Variants in CHSY3 observed in about 807,000 individuals in gnomAD.
CHSY3 encodes chondroitin sulfate synthase 3.
Under a neutral mutation model 67.2 loss-of-function variants are expected in CHSY3, and 35 were observed. That is an observed-to-expected ratio of 0.52 (90% CI 0.40 to 0.69). The LOEUF is 0.69. Ranked by LOEUF, CHSY3 falls within the 30% of genes least tolerant of loss-of-function variation. The pLI is 0.00. For missense variants in CHSY3, 1,069 were observed against 1,138.5 expected (o/e 0.94, Z 0.88); for synonymous variants, 474 against 434.7 (o/e 1.09, Z -1.12).
At chr5:129,919,942 A>AT (rs1234200531) in intron 2 of CHSY3, among the ~76,000 whole-genome samples, 2 of 151,966 alleles carry the variant, frequency 1.3e-5, no homozygotes, top group African/African-American at 4.8e-5. Context: ...ATATTTGACA[A>AT]TTTTTTCTGA....
chr5:130,133,782 A>G (rs1368510712), intron 2 of CHSY3, among the ~76,000 whole-genome samples: 2 of 127,666 alleles, frequency 1.6e-5, no homozygotes, highest in African/African-American at 5.4e-5. Context: ...AAAAAAAAAA[A>G]AAAAAAAAAA....
At chr5:130,001,350 T>G in intron 2 of CHSY3, 1 of 776,846 alleles carries the variant, frequency 1.3e-6, no homozygotes, top group Non-Finnish European at 1.6e-6. Context: ...GTGGAATTCT[T>G]TCATTTTAAA....
At chr5:130,076,266 T>G (rs1766246791) in intron 2 of CHSY3, among the ~76,000 whole-genome samples, 1 of 151,974 alleles carries the variant, frequency 6.6e-6, no homozygotes, top group Non-Finnish European at 1.5e-5. Context: ...TACCTTCACT[T>G]CAGGACACCC....
chr5:129,988,103 C>T (rs1448261104), intron 2 of CHSY3, among the ~76,000 whole-genome samples: 2 of 152,142 alleles, frequency 1.3e-5, no homozygotes, highest in Non-Finnish European at 2.9e-5. Flanking sequence ...ACATTTGCTT[C>T]AAAATGGCAT....
intron 2 of CHSY3, among the ~76,000 whole-genome samples, chr5:129,983,261 G>A (rs1028946509): frequency 2.0e-5 from 3 of 151,970 alleles, no homozygotes; most frequent in African/African-American, 7.2e-5. Flanking sequence ...TACACTTTCA[G>A]TGTCTTGTTC....
At position 130,088,400 on chromosome 5, in the gene CHSY3, C is replaced by T. The variant is rs151305106; in HGVS notation, c.1087-95829C>T. 9.2e-3 allele frequency among the ~76,000 whole-genome samples: 1,384 copies of T among 150,152 alleles called. 29 individuals are homozygous for T. Among genetic ancestry groups the T allele is most frequent in the African/African-American group, 0.033 (1,327 of 39,866 alleles). On this transcript the variant is annotated intron_variant, in intron 2 of 2. Coordinates refer to ENST00000305031, the MANE Select transcript of CHSY3 (RefSeq NM_175856.5). ...AAGATCTAATTAAACTAAAGAGCTT[C>T]TGCACAGCAAAAGAAATTACCATCA...
At chr5:129,970,720 A>T (rs1762618675) in intron 2 of CHSY3, among the ~76,000 whole-genome samples, 1 of 151,728 alleles carries the variant, frequency 6.6e-6, no homozygotes, top group Non-Finnish European at 1.5e-5. Context: ...TTTTTCTCAT[A>T]CTTATAAAGA....
At chr5:129,968,670 C>A (rs1370958835) in intron 2 of CHSY3, among the ~76,000 whole-genome samples, 1 of 151,764 alleles carries the variant, frequency 6.6e-6, no homozygotes, top group Non-Finnish European at 1.5e-5. Context: ...GGGTCAGAAG[C>A]AAATGGGAAC....
intron 2 of CHSY3, among the ~76,000 whole-genome samples, chr5:130,066,178 TC>T (rs1765878423): frequency 6.6e-6 from 1 of 152,118 alleles, no homozygotes; most frequent in Non-Finnish European, 1.5e-5. Flanking sequence ...TGTTCATGTA[TC>T]TCTTTCATTT....
At chr5:130,078,330 A>T (rs1443180332) in intron 2 of CHSY3, among the ~76,000 whole-genome samples, 1 of 152,070 alleles carries the variant, frequency 6.6e-6, no homozygotes, top group African/African-American at 2.4e-5. Context: ...AGATGCTTTT[A>T]TTCCATGGGT....
chr5:130,070,514 A>G (rs1311239383), intron 2 of CHSY3, among the ~76,000 whole-genome samples: 2 of 152,126 alleles, frequency 1.3e-5, no homozygotes, highest in Non-Finnish European at 2.9e-5. Context: ...TCAGAAAATC[A>G]TGAAATGAAA....
chr5:130,113,793 A>G (rs1767673181), intron 2 of CHSY3, among the ~76,000 whole-genome samples: 1 of 152,180 alleles, frequency 6.6e-6, no homozygotes, highest in Admixed American at 6.6e-5. Flanking sequence ...ACAGATACAT[A>G]AAAACCAACT....
At chr5:129,952,092 G>A (rs1762041059) in intron 2 of CHSY3, among the ~76,000 whole-genome samples, 1 of 152,138 alleles carries the variant, frequency 6.6e-6, no homozygotes, top group African/African-American at 2.4e-5. Flanking sequence ...AGGAGGTAAA[G>A]GAAAAAGAGC....
intron 2 of CHSY3, among the ~76,000 whole-genome samples, chr5:129,977,594 T>C (rs953831553): frequency 2.0e-4 from 30 of 152,158 alleles, no homozygotes; most frequent in Non-Finnish European, 4.0e-4. Flanking sequence ...TTTAAAAGAA[T>C]GAGATGAGCA....
Position 130,184,949 on chromosome 5 carries a change from A to T in CHSY3, c.1807A>T (p.Ile603Leu). Residue 603 changes from isoleucine (I) to leucine (L), a missense_variant, in exon 3 of 3, where the codon ATA (isoleucine) becomes TTA (leucine). By Grantham distance (5) the Ile-to-Leu change is conservative. Around this residue, in one of 5 missense-constraint regions of CHSY3, gnomAD observed 401 missense variants for 395.2 expected, o/e 1.01. Transcript: ENST00000305031. ...SFSFISNSLK[I>L]LSSFQGAKEM... ...CTCCTTTATATCTAATTCTTTAAAG[A>T]TATTATCTTCTTTTCAAGGTGCCAA... 1 of 1,563,552 alleles carries T rather than the reference A, an allele frequency of 6.4e-7. No individual in the cohort carries two copies. Among genetic ancestry groups the T allele is most frequent in the Non-Finnish European group, 8.8e-7 (1 of 1,134,428 alleles).
Position 130,185,261 on chromosome 5 carries a change from C to T in CHSY3, c.2119C>T (p.Gln707Ter). ...RGLGLEMASA[Q>*]FDNDTLLLFC... is the part of the protein sequence containing the mutation. ...TCTTGGTCTTGAAATGGCTTCTGCC[C>T]AGTTTGACAATGACACTTTGCTGCT... Residue 707 changes from glutamine (Q) to a stop codon, truncating the protein, a stop_gained, in exon 3 of 3, where the codon CAG becomes TAG. Coordinates refer to ENST00000305031, the MANE Select transcript of CHSY3 (RefSeq NM_175856.5). LOFTEE classifies it high-confidence loss of function. 6.2e-7 allele frequency: 1 copy of T among 1,607,176 alleles called. No individual in the cohort carries two copies. The highest frequency in any genetic ancestry group is 8.5e-7 in the Non-Finnish European group (1 of 1,173,820).
intron 2 of CHSY3, among the ~76,000 whole-genome samples, chr5:130,136,669 A>G (rs1768675569): frequency 6.6e-6 from 1 of 152,248 alleles, no homozygotes; most frequent in South Asian, 2.1e-4. Flanking sequence ...AGAAAATCCT[A>G]TGAAGTAGAG....
intron 2 of CHSY3, among the ~76,000 whole-genome samples, chr5:130,047,322 A>C (rs1022790482): frequency 1.3e-5 from 2 of 152,062 alleles, no homozygotes; most frequent in African/African-American, 4.8e-5. Flanking sequence ...TTCATCCAAC[A>C]AACCTTTCTT....
At chr5:129,983,637 G>C (rs1273602013) in intron 2 of CHSY3, among the ~76,000 whole-genome samples, 3 of 152,046 alleles carry the variant, frequency 2.0e-5, no homozygotes, top group African/African-American at 7.2e-5. Flanking sequence ...TGGCAAGAGA[G>C]AGGGTAGATA....
Sources: allele counts gnomAD v4.1 joint callset (sites outside exome capture counted in the v4.1 genomes callset), GRCh38; gene constraint gnomAD v4.1.1; regional missense constraint gnomAD v4.1.1; transcripts MANE v1.5; gene names NCBI Gene and HGNC (gene_info 2026-07-23, HGNC 2026-07-21).